Variants in MROH1 observed in about 807,000 individuals in gnomAD.
MROH1 encodes the protein maestro heat like repeat family member 1.
Under a neutral mutation model 116.5 loss-of-function variants are expected in MROH1, and 117 were observed. The observed-to-expected ratio is 1.00, with a 90% confidence interval of 0.86 to 1.17. The LOEUF (loss-of-function observed/expected upper bound fraction) is 1.17. Ranked by LOEUF, MROH1 falls within the 50% of genes most tolerant of loss-of-function variation. The probability of loss-of-function intolerance (pLI) is 0.00; values close to 1 mark genes in which losing one functional copy is unlikely to be tolerated. For missense variants in MROH1, 1,873 were observed against 1,338.5 expected, an observed-to-expected ratio of 1.40 and a Z score of -6.23; for synonymous variants, 921 against 583.9, an observed-to-expected ratio of 1.58 and a Z score of -8.32.
At chr8:144,222,967 G>A (rs1415841410) in intron 13 of MROH1, 141 bp from the exon 14 acceptor site, 4 of 1,215,834 alleles carry the variant, frequency 3.3e-6, no homozygotes, top group African/African-American at 3.0e-5. Flanking sequence ...TATGGGTGCA[G>A]GTACAGGTGT....
intron 37 of MROH1, 96 bp downstream of exon 37, chr8:144,259,450 C>T (rs1289311347): frequency 1.7e-5 from 12 of 704,360 alleles, no homozygotes; most frequent in African/African-American, 8.7e-5. Context: ...AAGGCCCCCT[C>T]GACCGTGGTC....
At chr8:144,232,645 C>T (rs1225522710) in intron 14 of MROH1, among the ~76,000 whole-genome samples, 2 of 151,818 alleles carry the variant, frequency 1.3e-5, no homozygotes, top group Admixed American at 6.6e-5. Flanking sequence ...ATGCGCACAC[C>T]GCCACGCTTG....
chr8:144,176,725 A>G (rs1824044413), intron 4 of MROH1, among the ~76,000 whole-genome samples: 1 of 3,350 alleles, frequency 3.0e-4, no homozygotes, highest in South Asian at 0.071. Flanking sequence ...GCTACTCGGG[A>G]GGCTAAGGCA....
At chr8:144,253,558 T>C (rs1843192153) in intron 33 of MROH1, among the ~76,000 whole-genome samples, 1 of 152,180 alleles carries the variant, frequency 6.6e-6, no homozygotes, top group Non-Finnish European at 1.5e-5. Flanking sequence ...GGCCACCGCG[T>C]CCTTGCTGGC....
intron 14 of MROH1, among the ~76,000 whole-genome samples, chr8:144,238,413 C>T (rs1252282244): frequency 2.6e-5 from 4 of 152,246 alleles, no homozygotes; most frequent in African/African-American, 9.6e-5. Flanking sequence ...TGGGTGGCGT[C>T]CTGGTGGGAA....
intron 12 of MROH1, 96 bp downstream of exon 12, chr8:144,200,637 C>A: frequency 2.2e-6 from 2 of 903,638 alleles, no homozygotes; most frequent in Non-Finnish European, 3.5e-6. Flanking sequence ...AAAGCACCAT[C>A]CTGCTTTGAA....
intron 1 of MROH1, among the ~76,000 whole-genome samples, chr8:144,153,765 A>AT (rs2130577757): frequency 6.6e-6 from 1 of 151,726 alleles, no homozygotes; most frequent in East Asian, 1.9e-4. Flanking sequence ...TTTTTATTTT[A>AT]TTTTTTATTT....
chr8:144,190,917 G>A lies in MROH1; in HGVS notation c.696G>A (p.Leu232=). The A allele has an allele frequency of 6.2e-7, 1 of 1,613,296 alleles. No homozygotes were observed. Among genetic ancestry groups the A allele is most frequent in the Non-Finnish European group, 8.5e-7 (1 of 1,179,838 alleles). The change falls in exon 8 of 44, where the codon CTG becomes CTA. Residue 232 remains leucine, a synonymous_variant. Coordinates refer to ENST00000326134, the MANE Select transcript of MROH1 (RefSeq NM_032450.3). ...SAYDVLFHQW[L]QSREAKLRLA... The stretch of plus-strand genomic sequence containing the variant: ...ACGATGTTCTCTTCCATCAGTGGCT[G>A]CAGAGTCGAGAAGCCAAGGTATGCC...
At chr8:144,174,340 T>C (rs1405298384) in intron 4 of MROH1, among the ~76,000 whole-genome samples, 1 of 152,068 alleles carries the variant, frequency 6.6e-6, no homozygotes, top group Non-Finnish European at 1.5e-5. Flanking sequence ...CCCACCCCTC[T>C]CTACCTAGGC....
At chr8:144,172,901 C>T (rs538957649) in intron 4 of MROH1, among the ~76,000 whole-genome samples, 7 of 152,264 alleles carry the variant, frequency 4.6e-5, no homozygotes, top group South Asian at 2.1e-4. Flanking sequence ...CTTGGGTGTA[C>T]TTTCTCAGAT....
At chr8:144,210,059 G>C (rs914110556) in intron 12 of MROH1, among the ~76,000 whole-genome samples, 3 of 150,884 alleles carry the variant, frequency 2.0e-5, no homozygotes, top group African/African-American at 4.9e-5. Flanking sequence ...TCCTATTCCA[G>C]TCACAGTTCT....
intron 29 of MROH1, among the ~76,000 whole-genome samples, chr8:144,245,702 C>T (rs1287493239): frequency 6.6e-6 from 1 of 152,168 alleles, no homozygotes; most frequent in Non-Finnish European, 1.5e-5. Flanking sequence ...CTCTGTTGCC[C>T]AGGCTGGAGT....
intron 4 of MROH1, chr8:144,175,002 A>G: frequency 3.0e-6 from 3 of 985,444 alleles, no homozygotes; most frequent in Non-Finnish European, 3.6e-6. Flanking sequence ...TTTCCTCTGG[A>G]AAAAAGCAAA....
intron 14 of MROH1, among the ~76,000 whole-genome samples, chr8:144,233,319 T>G (rs1400639012): frequency 2.5e-5 from 3 of 120,166 alleles, no homozygotes; most frequent in Admixed American, 9.1e-5. Context: ...AAATGCTAAC[T>G]CCCATTCCCT....
intron 14 of MROH1, among the ~76,000 whole-genome samples, chr8:144,223,919 G>A (rs1320221137): frequency 1.3e-5 from 2 of 152,212 alleles, no homozygotes; most frequent in East Asian, 1.9e-4. Flanking sequence ...AGTGGGATAC[G>A]TGAATTTAAC....
At chr8:144,243,772 C>T (rs1208922152) in intron 25 of MROH1, 91 bp from the exon 26 acceptor site, 15 of 740,834 alleles carry the variant, frequency 2.0e-5, no homozygotes, top group African/African-American at 1.9e-4. Context: ...CCTCGGGCCC[C>T]GCCTGTCACT....
In MROH1 at chr8:144,260,036, G is replaced by A; in HGVS notation, c.4170G>A (p.Leu1390=). The A allele has an allele frequency of 1.4e-6, 1 of 725,046 alleles. No individual in the cohort carries two copies. Among genetic ancestry groups the A allele is most frequent in the Non-Finnish European group, 2.5e-6 (1 of 397,510 alleles). 44.9% of individuals were successfully genotyped at this position (725,046 alleles called of 1,614,324 possible). The change falls in exon 38 of 44, where the codon CTG becomes CTA. Residue 1390 remains leucine (L), a synonymous_variant. Coordinates refer to ENST00000326134, the MANE Select transcript of MROH1 (RefSeq NM_032450.3). ...TGGTGCTCCGCGGCCTGGCCAACCTGGCCTCCGGCTGCCCTGACAAGGTGG... is the reference window on the plus strand; with the variant it reads ...TGGTGCTCCGCGGCCTGGCCAACCTAGCCTCCGGCTGCCCTGACAAGGTGG... ...RRLVLRGLAN[L]ASGCPDKVRT... is the part of the protein sequence containing the mutation.
At chr8:144,242,541 G>A (rs1372852697) in intron 23 of MROH1, 26 bp downstream of exon 23, 25 of 780,430 alleles carry the variant, frequency 3.2e-5, no homozygotes, top group Admixed American at 2.2e-4. Flanking sequence ...GGCCTGCCAC[G>A]CAGGGGAGCT....
At chr8:144,202,025 A>T (rs1281631528) in intron 12 of MROH1, among the ~76,000 whole-genome samples, 1 of 151,884 alleles carries the variant, frequency 6.6e-6, no homozygotes, top group East Asian at 1.9e-4. Flanking sequence ...CTCCAAAAAA[A>T]AAAAAAAAAA....
Sources: allele counts gnomAD v4.1 joint callset (sites outside exome capture counted in the v4.1 genomes callset), GRCh38; gene constraint gnomAD v4.1.1; transcripts MANE v1.5; gene names NCBI Gene and HGNC (gene_info 2026-07-23, HGNC 2026-07-21).